The following FA2H variants were observed in gnomAD, a reference collection of about 807,000 sequenced individuals.
FA2H encodes the protein fatty acid alpha-hydroxylase.
In FA2H, 22 loss-of-function variants were observed where a neutral mutation model predicts 44.9. The ratio of observed to expected loss-of-function variants is 0.49; its 90% CI spans 0.35 to 0.70. The LOEUF is 0.70. Among genes scored for constraint, FA2H ranks in the 30% least tolerant of loss-of-function variants. FA2H has a pLI of 0.01. For missense variants in FA2H, 501 were observed against 504.9 expected (o/e 0.99, Z 0.07); for synonymous variants, 243 against 213.2 (o/e 1.14, Z -1.22).
At chr16:74,744,914 A>C (rs978790086) in intron 1 of FA2H, among the ~76,000 whole-genome samples, 1 of 152,120 alleles carries the variant, frequency 6.6e-6, no homozygotes, top group African/African-American at 2.4e-5. Context: ...GGTAGGTTTC[A>C]GTATTTGGTA....
At chr16:74,761,346 G>A (rs1251547496) in intron 1 of FA2H, among the ~76,000 whole-genome samples, 1 of 151,936 alleles carries the variant, frequency 6.6e-6, no homozygotes, top group African/African-American at 2.4e-5. Context: ...CCAGCTACTC[G>A]GGAGGCTGAG....
At chr16:74,739,586 C>T (rs1217643852) in intron 2 of FA2H, among the ~76,000 whole-genome samples, 1 of 152,224 alleles carries the variant, frequency 6.6e-6, no homozygotes, top group Admixed American at 6.5e-5. Flanking sequence ...GCGCTGTCTC[C>T]TGCTGGACTC....
At chr16:74,722,250 G>T (rs1961857146) in intron 4 of FA2H, among the ~76,000 whole-genome samples, 1 of 152,168 alleles carries the variant, frequency 6.6e-6, no homozygotes, top group African/African-American at 2.4e-5. Context: ...AAAAAGTCAG[G>T]CTAGGCTGAA....
At chr16:74,718,463 G>T (rs1296151316) in intron 5 of FA2H, among the ~76,000 whole-genome samples, 1 of 152,142 alleles carries the variant, frequency 6.6e-6, no homozygotes. Flanking sequence ...CAGGGGAAGG[G>T]TGATTGAGAG....
Position 74,727,335 on chromosome 16 carries a change from C to T in FA2H, c.415G>A (p.Glu139Lys). ...TGGTGAACCCACTCATCGTACTTCT[C>T]TCCCAAGTGGCCCACCTGCCACAGG... The part of the protein sequence containing the change: ...PLLWQVGHLG[E>K]KYDEWVHQPV... Residue 139 changes from glutamate to lysine, a missense_variant, in exon 3 of 7, where the codon GAG (glutamate) becomes AAG (lysine). Glu to Lys is a moderately conservative substitution (Grantham distance 56, BLOSUM62 1). Coordinates refer to ENST00000219368, the MANE Select transcript of FA2H (RefSeq NM_024306.5). The T allele has an allele frequency of 6.2e-7, 1 of 1,614,190 alleles. No homozygotes were observed.
intron 2 of FA2H, among the ~76,000 whole-genome samples, chr16:74,736,964 G>C (rs1166762527): frequency 3.9e-5 from 6 of 152,162 alleles, no homozygotes; most frequent in Non-Finnish European, 7.3e-5. Flanking sequence ...CTTATCCCTC[G>C]TGCTGTCAGC....
At chr16:74,768,255 C>T (rs1158972683) in intron 1 of FA2H, among the ~76,000 whole-genome samples, 2 of 152,174 alleles carry the variant, frequency 1.3e-5, no homozygotes, top group African/African-American at 2.4e-5. Context: ...ATTTTTGACC[C>T]TCTTCCCAAT....
At chr16:74,743,706 C>A (rs796827064) in intron 1 of FA2H, among the ~76,000 whole-genome samples, 1 of 152,220 alleles carries the variant, frequency 6.6e-6, no homozygotes, top group South Asian at 2.1e-4. Context: ...TAGGGCCACC[C>A]CAGGGAGCAA....
chr16:74,767,107 A>G (rs1173848564), intron 1 of FA2H, among the ~76,000 whole-genome samples: 1 of 152,122 alleles, frequency 6.6e-6, no homozygotes, highest in East Asian at 1.9e-4. Context: ...TTAAGAGATC[A>G]AGATCATCCT....
intron 1 of FA2H, among the ~76,000 whole-genome samples, chr16:74,770,711 T>C (rs1390926470): frequency 6.6e-6 from 1 of 152,232 alleles, no homozygotes; most frequent in African/African-American, 2.4e-5. Flanking sequence ...TACTAGTTCT[T>C]AGGTTAGAAC....
chr16:74,741,808 A>ATGTGTGTGTGTGTGTGTGTG (rs1208446986), intron 1 of FA2H, among the ~76,000 whole-genome samples: 1 of 48,418 alleles, frequency 2.1e-5, no homozygotes. Flanking sequence ...ATATATATAT[A>ATGTGTGTGTGTGTGTGTGTG]TGTGTGTGTG....
rs768712423 is a variant in FA2H, at chr16:74,741,852, GTGTA to G, written c.271-1741_271-1738del. The stretch of plus-strand genomic sequence containing the variant: ...TGTGTGTGTGTATGTGTGTGTATGT[GTGTA>G]TGTGTGTGTGTGTATGTGTGTGTGT... On this transcript the variant is annotated intron_variant, in intron 1 of 6. Coordinates refer to ENST00000219368, the MANE Select transcript of FA2H (RefSeq NM_024306.5). Among the ~76,000 whole-genome samples the G allele has an allele frequency of 1.8e-4, 26 of 142,858 alleles. No homozygotes were observed. The South Asian group carries it at 3.7e-3, about 20-fold the overall frequency. The allele number at this position is 142,858 out of a possible 152,430, so 93.7% of individuals were successfully genotyped here. A position where few individuals can be genotyped will look rare whatever the true frequency, so the allele number is the denominator to read the frequency against.
chr16:74,740,620 A>AAATAATAAT (rs71378704), intron 1 of FA2H, among the ~76,000 whole-genome samples: 1,927 of 135,328 alleles, frequency 0.014, 25 homozygotes, highest in East Asian at 0.052. Context: ...CTCCATCTCA[A>AAATAATAAT]AATAATAATA....
At chr16:74,717,328 A>G (rs79621652) in intron 5 of FA2H, among the ~76,000 whole-genome samples, 11,497 of 152,150 alleles carry the variant, frequency 0.076, 889 homozygotes, top group African/African-American at 0.2. Flanking sequence ...CAGTGACACA[A>G]TGAGATGCTG....
chr16:74,737,005 G>C (rs1207623700), intron 2 of FA2H, among the ~76,000 whole-genome samples: 1 of 152,182 alleles, frequency 6.6e-6, no homozygotes, highest in African/African-American at 2.4e-5. Flanking sequence ...ATAATACATT[G>C]AAAGCGGCTG....
At chr16:74,715,261 A>C (rs941708028) in intron 6 of FA2H, among the ~76,000 whole-genome samples, 1 of 152,142 alleles carries the variant, frequency 6.6e-6, no homozygotes, top group Non-Finnish European at 1.5e-5. Flanking sequence ...CTTAGATTTC[A>C]AAGACTTAGT....
intron 4 of FA2H, 30 bp from the exon 5 acceptor site, chr16:74,719,190 G>A: frequency 6.2e-7 from 1 of 1,604,324 alleles, no homozygotes. Context: ...GCGAGGTGAG[G>A]ACCGGTGCAT....
At chr16:74,720,866 C>A (rs1339651008) in intron 4 of FA2H, among the ~76,000 whole-genome samples, 1 of 152,200 alleles carries the variant, frequency 6.6e-6, no homozygotes, top group East Asian at 1.9e-4. Context: ...GCTTCTCTTA[C>A]CGAATATGTT....
At chr16:74,755,940 C>T (rs1962603984) in intron 1 of FA2H, among the ~76,000 whole-genome samples, 2 of 152,158 alleles carry the variant, frequency 1.3e-5, no homozygotes, top group Non-Finnish European at 2.9e-5. Context: ...AGCCAATGCC[C>T]AAATCAAGAT....
Sources: gnomAD v4.1 joint callset for allele counts (sites outside exome capture counted in the v4.1 genomes callset) on GRCh38, gnomAD v4.1.1 for gene constraint, MANE v1.5 for transcripts, NCBI Gene and HGNC (gene_info 2026-07-23, HGNC 2026-07-21) for gene names.